The following DLG2 variants were observed in gnomAD, a reference collection of about 807,000 sequenced individuals.
DLG2 encodes disks large homolog 2.
A neutral mutation model predicts 132.5 loss-of-function variants in DLG2; 45 were observed. The observed-to-expected ratio is 0.34, with a 90% CI of 0.27 to 0.44. DLG2 has a LOEUF of 0.44. DLG2 is among the 20% of genes least tolerant of loss of function. The pLI, the probability that DLG2 is intolerant of heterozygous loss-of-function variation, is 1.00. For synonymous variants in DLG2, 424 were observed against 419.6 expected, an observed-to-expected ratio of 1.01 and a Z score of -0.13; for missense variants, 1,045 against 1,196.9, an observed-to-expected ratio of 0.87 and a Z score of 1.87.
chr11:84,816,161 C>T (rs564040812), intron 6 of DLG2, among the ~76,000 whole-genome samples: 11 of 151,946 alleles, frequency 7.2e-5, no homozygotes, highest in Admixed American at 5.9e-4. Context: ...TTGCTCCATA[C>T]GTTTTCTGCC....
At chr11:85,425,158 A>T (rs1012820705) in intron 3 of DLG2, among the ~76,000 whole-genome samples, 1 of 152,224 alleles carries the variant, frequency 6.6e-6, no homozygotes, top group African/African-American at 2.4e-5. Flanking sequence ...GTCTTCTGAT[A>T]GATGTTAATT....
At chr11:85,615,231 G>A (rs899599768) in intron 2 of DLG2, among the ~76,000 whole-genome samples, 3 of 152,124 alleles carry the variant, frequency 2.0e-5, no homozygotes, top group African/African-American at 7.2e-5. Context: ...AGAAAACAAC[G>A]AATTGGCCAG....
chr11:84,994,672 T>C (rs920781921), intron 6 of DLG2, among the ~76,000 whole-genome samples: 1 of 152,172 alleles, frequency 6.6e-6, no homozygotes, highest in South Asian at 2.1e-4. Flanking sequence ...GGGGGGAGAT[T>C]ATCACAGAGT....
chr11:83,672,915 A>T (rs1023784346), intron 18 of DLG2, among the ~76,000 whole-genome samples: 1 of 152,166 alleles, frequency 6.6e-6, no homozygotes, highest in African/African-American at 2.4e-5. Context: ...CAAAAAAATT[A>T]GCTGGATGTA....
rs1491001937 is a variant in DLG2 at position 84,050,944 on chromosome 11, G to T, written c.919+8371C>A. Among the ~76,000 whole-genome samples the T allele has an allele frequency of 2.6e-5, 4 of 151,890 alleles. No homozygotes were observed. The East Asian group carries it at 7.8e-4, about 30-fold the overall frequency. ...AGCCTTGTAATATAGTTTGAAGCCA[G>T]GTAGCAAGATGCCTCCAGCTTTGTT... On this transcript the variant is annotated intron_variant, in intron 11 of 27. Coordinates refer to ENST00000376104, the MANE Select transcript of DLG2 (RefSeq NM_001142699.3).
At chr11:85,545,347 C>T (rs1324896479) in intron 3 of DLG2, among the ~76,000 whole-genome samples, 2 of 152,110 alleles carry the variant, frequency 1.3e-5, no homozygotes, top group Non-Finnish European at 2.9e-5. Context: ...CCAACTTGAT[C>T]GTGGTGGATA....
chr11:85,243,584 C>T (rs966939540), intron 4 of DLG2, among the ~76,000 whole-genome samples: 1 of 151,908 alleles, frequency 6.6e-6, no homozygotes, highest in Non-Finnish European at 1.5e-5. Context: ...TTTCAGTTTC[C>T]TGTCTAAAGG....
At chr11:84,064,001 A>G (rs1197123107) in intron 10 of DLG2, among the ~76,000 whole-genome samples, 1 of 152,134 alleles carries the variant, frequency 6.6e-6, no homozygotes, top group Non-Finnish European at 1.5e-5. Flanking sequence ...ATTAGGAGAT[A>G]TACCTAATGT....
chr11:84,588,820 C>T (rs1032804348), intron 6 of DLG2, among the ~76,000 whole-genome samples: 18 of 151,892 alleles, frequency 1.2e-4, no homozygotes, highest in Non-Finnish European at 2.1e-4. Flanking sequence ...AAGCAGCAGC[C>T]TTTGGGGCTG....
At chr11:84,996,568 G>A (rs1367527367) in intron 6 of DLG2, among the ~76,000 whole-genome samples, 1 of 151,994 alleles carries the variant, frequency 6.6e-6, no homozygotes, top group African/African-American at 2.4e-5. Context: ...TTTTTTGCTA[G>A]GCCAAGGTGG....
chr11:84,696,118 G>T (rs953756876), intron 6 of DLG2, among the ~76,000 whole-genome samples: 1 of 151,464 alleles, frequency 6.6e-6, no homozygotes, highest in African/African-American at 2.4e-5. Context: ...TAAGTAGAAG[G>T]TCTGGGAGGA....
intron 19 of DLG2, among the ~76,000 whole-genome samples, chr11:83,558,522 C>T (rs2096557625): frequency 6.6e-6 from 1 of 152,114 alleles, no homozygotes; most frequent in South Asian, 2.1e-4. Flanking sequence ...CTACAGTAGG[C>T]ACTTTATATA....
intron 7 of DLG2, among the ~76,000 whole-genome samples, chr11:84,364,945 A>T (rs1031523127): frequency 7.5e-4 from 114 of 152,146 alleles, no homozygotes; most frequent in African/African-American, 2.6e-3. Context: ...TGCATCAATG[A>T]TCATCAAGGA....
intron 7 of DLG2, among the ~76,000 whole-genome samples, chr11:84,499,592 T>C (rs972590801): frequency 6.6e-6 from 1 of 152,204 alleles, no homozygotes; most frequent in Non-Finnish European, 1.5e-5. Flanking sequence ...CTGGCTCAAA[T>C]ATAATGCAAA....
intron 3 of DLG2, among the ~76,000 whole-genome samples, chr11:85,544,927 A>G (rs2076211491): frequency 6.6e-6 from 1 of 152,224 alleles, no homozygotes; most frequent in Non-Finnish European, 1.5e-5. Context: ...CAATCATGTC[A>G]TCTGCGCACA....
intron 26 of DLG2, among the ~76,000 whole-genome samples, chr11:83,463,338 A>G (rs1219836137): frequency 6.6e-6 from 1 of 151,940 alleles, no homozygotes; most frequent in Admixed American, 6.6e-5. Flanking sequence ...TCTTGTTGCT[A>G]AACTCATCTT....
chr11:84,708,233 G>T (rs769640080), intron 6 of DLG2, among the ~76,000 whole-genome samples: 8 of 151,822 alleles, frequency 5.3e-5, no homozygotes, highest in Admixed American at 1.3e-4. Context: ...CTACCTCATA[G>T]AGATGTTGTA....
intron 6 of DLG2, among the ~76,000 whole-genome samples, chr11:84,633,821 G>A (rs1469787275): frequency 2.6e-5 from 4 of 152,100 alleles, no homozygotes; most frequent in Non-Finnish European, 5.9e-5. Context: ...ACACTGGCCT[G>A]CTCTCGTTGT....
intron 11 of DLG2, among the ~76,000 whole-genome samples, chr11:84,024,190 A>C (rs1319798294): frequency 6.6e-6 from 1 of 152,138 alleles, no homozygotes; most frequent in Non-Finnish European, 1.5e-5. Context: ...AAGGCACGAG[A>C]AAGCACTGCA....
Sources: allele counts gnomAD v4.1 joint callset (sites outside exome capture counted in the v4.1 genomes callset), GRCh38; gene constraint gnomAD v4.1.1; transcripts MANE v1.5; gene names NCBI Gene and HGNC (gene_info 2026-07-23, HGNC 2026-07-21).